Variants in COL23A1 observed in about 807,000 individuals in gnomAD.
COL23A1 encodes the protein collagen type XXIII alpha 1 chain.
A neutral mutation model predicts 99.3 loss-of-function variants in COL23A1; 97 were observed. That is an observed-to-expected ratio of 0.98 (90% CI 0.83 to 1.16). The LOEUF is 1.16. Ranked by LOEUF, COL23A1 falls within the 50% of genes most tolerant of loss-of-function variation. COL23A1 has a pLI of 0.00. For synonymous variants in COL23A1, 320 were observed against 308.2 expected, an observed-to-expected ratio of 1.04 and a Z score of -0.40; for missense variants, 762 against 757.4, an observed-to-expected ratio of 1.01 and a Z score of -0.07.
chr5:178,248,313 G>A (rs1215764835), intron 19 of COL23A1, 59 bp from the exon 20 acceptor site: 7 of 1,332,434 alleles, frequency 5.3e-6, no homozygotes, highest in African/African-American at 2.9e-5. Context: ...CACCACCCAC[G>A]GTGCTTAGTG....
At chr5:178,555,093 T>C (rs1219602478) in intron 2 of COL23A1, among the ~76,000 whole-genome samples, 1 of 151,460 alleles carries the variant, frequency 6.6e-6, no homozygotes, top group African/African-American at 2.5e-5. Flanking sequence ...CCTTCTGAGC[T>C]CATGGCTCAG....
chr5:178,326,096 T>C (rs1009704879), intron 2 of COL23A1, among the ~76,000 whole-genome samples: 9 of 152,154 alleles, frequency 5.9e-5, no homozygotes, highest in Admixed American at 1.3e-4. Context: ...CCATTTTTTT[T>C]CCCAAGGATT....
At chr5:178,418,141 C>T (rs1303680522) in intron 2 of COL23A1, among the ~76,000 whole-genome samples, 1 of 152,226 alleles carries the variant, frequency 6.6e-6, no homozygotes, top group African/African-American at 2.4e-5. Flanking sequence ...GATAAGTTAC[C>T]TAACTTCTCT....
At chr5:178,425,042 T>C (rs79913948) in intron 2 of COL23A1, among the ~76,000 whole-genome samples, 3,560 of 152,294 alleles carry the variant, frequency 0.023, 127 homozygotes, top group African/African-American at 0.078. Flanking sequence ...CCTTGGGGCA[T>C]AGAATTTCTT....
At chr5:178,578,122 C>T (rs1219993774) in intron 1 of COL23A1, among the ~76,000 whole-genome samples, 1 of 141,204 alleles carries the variant, frequency 7.1e-6, no homozygotes, top group African/African-American at 3.0e-5. Flanking sequence ...CACATTCATG[C>T]ACACACACAC....
intron 5 of COL23A1, among the ~76,000 whole-genome samples, chr5:178,279,612 G>A (rs1046107809): frequency 2.6e-5 from 4 of 152,140 alleles, no homozygotes; most frequent in Non-Finnish European, 5.9e-5. Context: ...GGGGCTGTGG[G>A]CCCCTTTGTC....
intron 2 of COL23A1, among the ~76,000 whole-genome samples, chr5:178,446,376 A>G (rs1767159643): frequency 6.6e-6 from 1 of 152,054 alleles, no homozygotes; most frequent in Non-Finnish European, 1.5e-5. Flanking sequence ...TAAAAGGAAA[A>G]GAAATTATAT....
At chr5:178,288,248 T>C in intron 5 of COL23A1, 76 bp downstream of exon 5, 2 of 1,258,658 alleles carry the variant, frequency 1.6e-6, no homozygotes, top group Non-Finnish European at 1.2e-6. Flanking sequence ...CAGACAGAGT[T>C]AAATCAAGGC....
chr5:178,495,608 C>T (rs1758156315), intron 2 of COL23A1, among the ~76,000 whole-genome samples: 1 of 151,962 alleles, frequency 6.6e-6, no homozygotes, highest in Admixed American at 6.5e-5. Flanking sequence ...ATTTGCTAGC[C>T]TCAGATTATG....
Position 178,590,109 on chromosome 5 carries a change from G to T in COL23A1, c.89C>A (p.Thr30Lys), listed in dbSNP as rs1314210707. The T allele has an allele frequency of 1.6e-6, 2 of 1,256,790 alleles. No homozygotes were observed. Among genetic ancestry groups the T allele is most frequent in the East Asian group, 7.0e-5 (2 of 28,518 alleles). 77.9% of individuals were successfully genotyped at this position (1,256,790 alleles called of 1,614,324 possible). The change falls in exon 1 of 29, where the codon ACG becomes AAG. Residue 30 changes from threonine to lysine, a missense_variant. Physicochemically the swap from Thr to Lys is moderately conservative, Grantham distance 78 (BLOSUM62 -1). Transcript: ENST00000390654. The surrounding 1 kb of genome is among the most constrained non-coding windows in gnomAD (Gnocchi z 5.7). ...GGGGGGRSATTAGSRAVSALC... is the reference protein window; with the variant it reads ...GGGGGGRSATKAGSRAVSALC... ...CGCGCTCACCGCCCGGGACCCGGCC[G>T]TCGTCGCCGAGCGCCCTCCGCCGCC...
chr5:178,410,567 A>G (rs1765008929), intron 2 of COL23A1, among the ~76,000 whole-genome samples: 1 of 152,252 alleles, frequency 6.6e-6, no homozygotes. Flanking sequence ...CAAACTCAAT[A>G]TCTACATGCC....
intron 27 of COL23A1, among the ~76,000 whole-genome samples, chr5:178,241,175 G>A (rs1397333886): frequency 6.6e-6 from 1 of 152,112 alleles, no homozygotes; most frequent in Non-Finnish European, 1.5e-5. Flanking sequence ...AGGCTGCAGT[G>A]AACCATGATC....
intron 2 of COL23A1, among the ~76,000 whole-genome samples, chr5:178,454,292 T>C (rs1365074740): frequency 2.0e-5 from 3 of 152,180 alleles, no homozygotes; most frequent in Non-Finnish European, 4.4e-5. Context: ...TCAAACGTTT[T>C]GAAATTTAAA....
intron 2 of COL23A1, among the ~76,000 whole-genome samples, chr5:178,396,938 G>A (rs1170518122): frequency 6.6e-6 from 1 of 152,186 alleles, no homozygotes; most frequent in Non-Finnish European, 1.5e-5. Context: ...GGGCTTCCCT[G>A]GTGTCCAGTG....
intron 2 of COL23A1, among the ~76,000 whole-genome samples, chr5:178,375,085 C>T (rs756564356): frequency 1.3e-5 from 2 of 152,162 alleles, no homozygotes; most frequent in African/African-American, 4.8e-5. Flanking sequence ...GAATATCACT[C>T]TGCCATCGAA....
intron 2 of COL23A1, among the ~76,000 whole-genome samples, chr5:178,370,537 T>C (rs1762743644): frequency 6.6e-6 from 1 of 151,764 alleles, no homozygotes; most frequent in African/African-American, 2.4e-5. Flanking sequence ...CCAACGGATA[T>C]AGAGTTTCAT....
chr5:178,249,716 A>ACACACCCTCTCT, intron 18 of COL23A1, among the ~76,000 whole-genome samples: 2 of 92,752 alleles, frequency 2.2e-5, no homozygotes, highest in African/African-American at 8.5e-5. Flanking sequence ...ACACACACAC[A>ACACACCCTCTCT]CTCTCTCTCT....
At chr5:178,341,847 C>T (rs924118107) in intron 2 of COL23A1, among the ~76,000 whole-genome samples, 2 of 152,298 alleles carry the variant, frequency 1.3e-5, no homozygotes, top group East Asian at 1.9e-4. Context: ...TGGGGCCTGT[C>T]TTCCTCCAGA....
chr5:178,293,338 A>G (rs1308453251), intron 3 of COL23A1, among the ~76,000 whole-genome samples: 3 of 151,902 alleles, frequency 2.0e-5, no homozygotes, highest in African/African-American at 7.2e-5. Flanking sequence ...ATCTGTGGAG[A>G]TGGCAGGAGG....
Sources: gnomAD v4.1 joint callset for allele counts (sites outside exome capture counted in the v4.1 genomes callset) on GRCh38, gnomAD v4.1.1 for gene constraint, Gnocchi (gnomAD v3.1) non-coding constraint, MANE v1.5 for transcripts, NCBI Gene and HGNC (gene_info 2026-07-23, HGNC 2026-07-21) for gene names.